Variants in SETX observed in about 807,000 individuals in gnomAD.
SETX encodes senataxin, also known as helicase senataxin.
SETX carries 90 observed loss-of-function variants against 227.2 expected under a neutral mutation model. That is an observed-to-expected ratio of 0.40 (90% CI 0.33 to 0.47). SETX has a LOEUF of 0.47. Ranked by LOEUF, SETX falls within the 20% of genes least tolerant of loss-of-function variation. The pLI is 0.91. For synonymous variants in SETX, 1,210 were observed against 1,113.2 expected (o/e 1.09, Z -1.73); for missense variants, 3,052 against 3,181.5 (o/e 0.96, Z 0.98).
chr9:132,267,900 T>C (rs1158323243), intron 25 of SETX, among the ~76,000 whole-genome samples: 4 of 152,118 alleles, frequency 2.6e-5, no homozygotes, highest in Admixed American at 2.6e-4. Context: ...ATCAACACCA[T>C]GAGGTGCCAA....
intron 15 of SETX, among the ~76,000 whole-genome samples, chr9:132,295,177 CATT>C (rs1844596938): frequency 6.6e-6 from 1 of 150,646 alleles, no homozygotes; most frequent in Middle Eastern, 3.4e-3. Context: ...TTGTAATGCT[CATT>C]ATTATCTACA....
At chr9:132,337,291 C>G (rs539607039) in intron 5 of SETX, among the ~76,000 whole-genome samples, 15 of 151,582 alleles carry the variant, frequency 9.9e-5, no homozygotes, top group African/African-American at 3.6e-4. Flanking sequence ...TTTTCCATAA[C>G]AGAATGTCCA....
chr9:132,328,169 T>A lies in SETX; in HGVS notation c.3429A>T (p.Arg1143Ser), dbSNP rs761673300. Residue 1143 changes from arginine to serine, a missense_variant, in exon 10 of 26, where the codon AGA (arginine) becomes AGT (serine). This residue lies in a region of SETX where 1,483 missense variants were observed against 1,312.0 expected (regional missense o/e 1.13). Transcript: ENST00000224140. ...ATTCTTCAACAGAAATACTCCGTGG[T>A]CTTGTGTGTTCTTCAATGCCCTCTG... ...KGAEGIEEHT[R>S]PRSISVEEFC... 3.1e-6 allele frequency: 5 copies of A among 1,614,064 alleles called. No individual in the cohort carries two copies. Among genetic ancestry groups the A allele is most frequent in the Admixed American group, 1.7e-5 (1 of 60,004 alleles).
chr9:132,283,763 TTA>T (rs1358731231), intron 18 of SETX, among the ~76,000 whole-genome samples: 1 of 152,210 alleles, frequency 6.6e-6, no homozygotes, highest in Non-Finnish European at 1.5e-5. Flanking sequence ...GAGTTGTGAA[TTA>T]TATGAGTAAA....
rs1429017837 is a variant in SETX, at chr9:132,311,678, C to CA, written c.5374+78dup. Reference sequence around the variant, plus strand: ...TAGAAAATTTGTGTCCCCCTAAATTCAAATAATGCTATCTCCTCTTAATTA... The same window carrying CA: ...TAGAAAATTTGTGTCCCCCTAAATTCAAAATAATGCTATCTCCTCTTAATTA... On this transcript the variant is annotated intron_variant, in intron 11 of 25. Coordinates refer to ENST00000224140, the MANE Select transcript of SETX (RefSeq NM_015046.7). 4 of 1,068,718 alleles carry CA rather than the reference C, an allele frequency of 3.7e-6. No individual in the cohort carries two copies. In the African/African-American group the frequency reaches 4.7e-5, roughly 13 times the overall value. The allele number at this position is 1,068,718 out of a possible 1,614,324, so 66.2% of individuals were successfully genotyped here.
In SETX at chr9:132,328,988, CTTT is replaced by C. The variant is rs781159054; in HGVS notation, c.2607_2609del (p.Lys870del). ...AAGAGAAAATAACTAATTCTTCATT[CTTT>C]AATTGTTTCTCTTTTGGCAATACAT... On this transcript the variant is annotated inframe_deletion, in exon 10 of 26. Coordinates refer to ENST00000224140, the MANE Select transcript of SETX (RefSeq NM_015046.7). 1.6e-5 allele frequency: 25 copies of C among 1,606,286 alleles called. No homozygotes were observed. In the Middle Eastern group the frequency reaches 6.6e-4, roughly 42 times the overall value.
intron 22 of SETX, among the ~76,000 whole-genome samples, chr9:132,275,628 A>C (rs1326512144): frequency 3.3e-5 from 5 of 152,224 alleles, no homozygotes; most frequent in African/African-American, 1.2e-4. Context: ...ACTATGGTAA[A>C]TATGAATACA....
At chr9:132,300,601 T>C in intron 12 of SETX, 29 bp downstream of exon 12, 9 of 1,607,270 alleles carry the variant, frequency 5.6e-6, no homozygotes, top group Non-Finnish European at 7.7e-6. Flanking sequence ...TATCTGACAT[T>C]TCCTGTCAAT....
chr9:132,317,502 G>A (rs1012618838), intron 10 of SETX, among the ~76,000 whole-genome samples: 1 of 151,884 alleles, frequency 6.6e-6, no homozygotes, highest in African/African-American at 2.4e-5. Flanking sequence ...TATACGCTTG[G>A]GTAACTGTTC....
At position 132,311,769 on chromosome 9, in the gene SETX, A is replaced by C. The variant is rs1178125929; in HGVS notation, c.5362T>G (p.Trp1788Gly). 6.2e-7 allele frequency: 1 copy of C among 1,611,582 alleles called. No homozygotes were observed. The highest frequency in any genetic ancestry group is 2.2e-5 in the East Asian group (1 of 44,824). The stretch of plus-strand genomic sequence containing the variant: ...AGAAAAAACTTACCTGCAAACTCCC[A>C]GTATTTTATATAATCGGCAGGAAAT... ...RKFPADYIKY[W>G]EFAVYLEECE... The change falls in exon 11 of 26, where the codon TGG (tryptophan) becomes GGG (glycine). Residue 1788 changes from tryptophan (W) to glycine (G), a missense_variant. This residue lies in a region of SETX where 239 missense variants were observed against 272.1 expected (regional missense o/e 0.88). Coordinates refer to ENST00000224140, the MANE Select transcript of SETX (RefSeq NM_015046.7).
In SETX at chr9:132,326,972, T is replaced by G. The variant is rs750437561; in HGVS notation, c.4626A>C (p.Glu1542Asp). The stretch of plus-strand genomic sequence containing the variant: ...ACTTACACTTTGTGCCACTCAAAGA[T>G]TCCAACTGAGGCCGACTTACAGAAT... ...EEDSVSRPQL[E>D]SLSGTKCKYK... Residue 1542 changes from glutamate to aspartate, a missense_variant, in exon 10 of 26, where the codon GAA becomes GAC. By Grantham distance (45) the Glu-to-Asp change is conservative (BLOSUM62 2). Transcript: ENST00000224140. The G allele has an allele frequency of 3.1e-6, 5 of 1,614,246 alleles. No individual in the cohort carries two copies. Among genetic ancestry groups the G allele is most frequent in the Non-Finnish European group, 3.4e-6 (4 of 1,180,044 alleles).
chr9:132,275,461 T>C (rs1321168072), intron 22 of SETX, 41 bp from the exon 23 acceptor site: 4 of 1,530,774 alleles, frequency 2.6e-6, no homozygotes, highest in Non-Finnish European at 3.6e-6. Flanking sequence ...TTATCAAAAC[T>C]AATAGCAGGC....
chr9:132,317,187 G>A (rs917757601), intron 10 of SETX, among the ~76,000 whole-genome samples: 28 of 152,210 alleles, frequency 1.8e-4, no homozygotes, highest in Admixed American at 8.5e-4. Context: ...TAACAGGTGT[G>A]CAGTTCCAGT....
rs1256440597 is a variant in SETX, at chr9:132,262,105, A to T, written c.*2134T>A. 1 of 152,242 alleles carries T rather than the reference A, an allele frequency of 6.6e-6. No homozygotes were observed. The highest frequency in any genetic ancestry group is 1.5e-5 in the Non-Finnish European group (1 of 68,036). 9.4% of individuals were successfully genotyped at this position (152,242 alleles called of 1,614,324 possible). On this transcript the variant is annotated 3_prime_UTR_variant, in exon 26 of 26. Coordinates refer to ENST00000224140, the MANE Select transcript of SETX (RefSeq NM_015046.7). Reference sequence around the variant, plus strand: ...ACAGGCTCGTCTGTTAGAAAGGATGATCTAGTTCTACCATTAATTCTTGCA... The same window carrying T: ...ACAGGCTCGTCTGTTAGAAAGGATGTTCTAGTTCTACCATTAATTCTTGCA...
At position 132,328,949 on chromosome 9, in the gene SETX, A is replaced by G. The variant is rs1847035873; in HGVS notation, c.2649T>C (p.Asn883=). 6.2e-7 allele frequency: 1 copy of G among 1,610,986 alleles called. No individual in the cohort carries two copies. The highest frequency in any genetic ancestry group is 1.3e-5 in the African/African-American group (1 of 74,788). ...ELVIFSFHEN[N]CKIQEFHVDG... Reference sequence around the variant, plus strand: ...CAACATGAAATTCCTGTATTTTACAATTGTTTTCATGGAAAGAGAAAATAA... The same window carrying G: ...CAACATGAAATTCCTGTATTTTACAGTTGTTTTCATGGAAAGAGAAAATAA... Residue 883 remains asparagine (N), a synonymous_variant, in exon 10 of 26, where the codon AAT becomes AAC. Transcript: ENST00000224140.
chr9:132,300,158 G>T (rs991884131), intron 12 of SETX, among the ~76,000 whole-genome samples: 133 of 146,852 alleles, frequency 9.1e-4, no homozygotes, highest in Non-Finnish European at 1.8e-3. Flanking sequence ...AAAAAAAAGG[G>T]ACAAGTCTCA....
intron 15 of SETX, among the ~76,000 whole-genome samples, chr9:132,289,883 TTTA>T (rs1376794730): frequency 1.4e-4 from 21 of 152,230 alleles, no homozygotes; most frequent in African/African-American, 5.1e-4. Context: ...GTTTTTTTCT[TTTA>T]TTATAATTTC....
At chr9:132,280,712 A>G (rs1843451587) in intron 20 of SETX, among the ~76,000 whole-genome samples, 1 of 152,228 alleles carries the variant, frequency 6.6e-6, no homozygotes, top group Non-Finnish European at 1.5e-5. Context: ...ATCTGTATAA[A>G]TAATCTATGT....
chr9:132,327,164 T>C lies in SETX; in HGVS notation c.4434A>G (p.Ala1478=). The change falls in exon 10 of 26, where the codon GCA becomes GCG. Residue 1478 remains alanine (A), a synonymous_variant. Coordinates refer to ENST00000224140, the MANE Select transcript of SETX (RefSeq NM_015046.7). The part of the protein sequence containing the change: ...GDPTARHIEM[A]ALKEGEPDSS... ...AGTCAGGCTCTCCTTCTTTCAAAGC[T>C]GCCATCTCTATATGACGTGCTGTTG... The C allele has an allele frequency of 6.2e-7, 1 of 1,614,246 alleles. No homozygotes were observed. Among genetic ancestry groups the C allele is most frequent in the Non-Finnish European group, 8.5e-7 (1 of 1,180,044 alleles).
Sources: gnomAD v4.1 joint callset for allele counts (sites outside exome capture counted in the v4.1 genomes callset) on GRCh38, gnomAD v4.1.1 for gene constraint, gnomAD v4.1.1 regional missense constraint, MANE v1.5 for transcripts, NCBI Gene and HGNC (gene_info 2026-07-23, HGNC 2026-07-21) for gene names.